The following ZNF616 variants were observed in gnomAD, a reference collection of about 807,000 sequenced individuals.
ZNF616 encodes zinc finger protein 616.
In ZNF616, 5 loss-of-function variants were observed where a neutral mutation model predicts 7.6. The observed-to-expected ratio is 0.66, with a 90% CI of 0.34 to 1.38. The LOEUF is 1.38. ZNF616 is among the 40% of genes most tolerant of loss of function. ZNF616 has a pLI of 0.04. For missense variants in ZNF616, 913 were observed against 948.3 expected, an observed-to-expected ratio of 0.96 and a Z score of 0.49; for synonymous variants, 319 against 317.2, an observed-to-expected ratio of 1.01 and a Z score of -0.06.
chr19:52,123,197 A>T (rs529505789), intron 3 of ZNF616, among the ~76,000 whole-genome samples: 4 of 152,372 alleles, frequency 2.6e-5, no homozygotes, highest in African/African-American at 9.6e-5. Context: ...TTAAATAAAT[A>T]AAAACAAAGT....
intron 1 of ZNF616, among the ~76,000 whole-genome samples, chr19:52,133,890 G>A (rs2088984709): frequency 6.6e-6 from 1 of 152,106 alleles, no homozygotes; most frequent in South Asian, 2.1e-4. Context: ...TCCACCCTGA[G>A]GTAGGCCCCA....
chr19:52,137,276 A>T (rs2089019808), intron 1 of ZNF616, among the ~76,000 whole-genome samples: 1 of 151,610 alleles, frequency 6.6e-6, no homozygotes, highest in Non-Finnish European at 1.5e-5. Flanking sequence ...ACAAAAAATT[A>T]GCCGGGCGTG....
At chr19:52,122,885 C>T (rs536723119) in intron 3 of ZNF616, among the ~76,000 whole-genome samples, 9 of 152,206 alleles carry the variant, frequency 5.9e-5, no homozygotes, top group African/African-American at 9.6e-5. Context: ...CCACCCGCCT[C>T]GGCCTCCCAA....
In ZNF616 at chr19:52,114,895, G is replaced by A. The variant is rs73571270; in HGVS notation, c.2269C>T (p.Arg757Cys). Residue 757 changes from arginine (R) to cysteine (C), a missense_variant, in exon 4 of 4, where the codon CGC becomes TGC. By Grantham distance (180) the Arg-to-Cys change is radical (BLOSUM62 -3). Coordinates refer to ENST00000600228, the MANE Select transcript of ZNF616 (RefSeq NM_178523.5). ...ATTCGATGTTTAGTGAGGCCTGAGC[G>A]ACAAATAAAAGATTTCCCACACTCA... The part of the protein sequence containing the change: ...CNECGKSFIC[R>C]SGLTKHRIRH... 4.6e-3 allele frequency: 7,473 copies of A among 1,613,690 alleles called. 269 individuals carry two copies. The African/African-American group carries it at 0.088, about 19-fold the overall frequency.
intron 1 of ZNF616, among the ~76,000 whole-genome samples, chr19:52,132,395 C>A (rs1364403337): frequency 6.6e-6 from 1 of 152,064 alleles, no homozygotes; most frequent in Non-Finnish European, 1.5e-5. Context: ...GACATGGAGA[C>A]GTGTAGGTGA....
At chr19:52,119,855 T>A (rs774370138) in intron 3 of ZNF616, among the ~76,000 whole-genome samples, 1 of 152,194 alleles carries the variant, frequency 6.6e-6, no homozygotes, top group Non-Finnish European at 1.5e-5. Flanking sequence ...GAATGTCCCA[T>A]GAGTTATATT....
At chr19:52,121,946 A>G (rs906464035) in intron 3 of ZNF616, among the ~76,000 whole-genome samples, 1 of 152,154 alleles carries the variant, frequency 6.6e-6, no homozygotes. Context: ...GGGAAAAAAT[A>G]TATAGGTTTT....
chr19:52,137,074 T>TAC (rs1555785993), intron 1 of ZNF616, among the ~76,000 whole-genome samples: 27 of 142,842 alleles, frequency 1.9e-4, no homozygotes, highest in African/African-American at 7.0e-4. Context: ...TATATATATA[T>TAC]ACAGAGTGTG....
Position 52,114,816 on chromosome 19 carries a change from G to T in ZNF616, c.*2C>A. The stretch of plus-strand genomic sequence containing the variant: ...CGGTGATTCCAGAAACTAGGACAAC[G>T]TCTAAGGCCTTGTCACATTGAGTTT... On this transcript the variant is annotated 3_prime_UTR_variant, in exon 4 of 4. Coordinates refer to ENST00000600228, the MANE Select transcript of ZNF616 (RefSeq NM_178523.5). 6.4e-7 allele frequency: 1 copy of T among 1,564,784 alleles called. No individual in the cohort carries two copies. Among genetic ancestry groups the T allele is most frequent in the Non-Finnish European group, 8.6e-7 (1 of 1,158,576 alleles).
chr19:52,115,046 A>C lies in ZNF616; in HGVS notation c.2118T>G (p.Ser706Arg), dbSNP rs2088805603. The change falls in exon 4 of 4, where the codon AGT becomes AGG. Residue 706 changes from serine (S) to arginine (R), a missense_variant. Physicochemically the swap from Ser to Arg is moderately radical, Grantham distance 110. Transcript: ENST00000600228. ...KVFRHSSHLV[S>R]HQRIHTGEKR... ...TCTCTCCAGTGTGGATTCTCTGGTGACTTACAAGATGTGAACTATGCCTGA... is the reference window on the plus strand; with the variant it reads ...TCTCTCCAGTGTGGATTCTCTGGTGCCTTACAAGATGTGAACTATGCCTGA... 1 of 1,613,772 alleles carries C rather than the reference A, an allele frequency of 6.2e-7. No individual in the cohort carries two copies. Among genetic ancestry groups the C allele is most frequent in the Non-Finnish European group, 8.5e-7 (1 of 1,179,952 alleles).
intron 3 of ZNF616, among the ~76,000 whole-genome samples, chr19:52,120,515 G>A (rs1445077787): frequency 6.6e-6 from 1 of 152,156 alleles, no homozygotes; most frequent in African/African-American, 2.4e-5. Flanking sequence ...TCAGAAGATA[G>A]AGACTGGCTG....
At chr19:52,135,621 C>T (rs778761734) in intron 1 of ZNF616, among the ~76,000 whole-genome samples, 1 of 152,178 alleles carries the variant, frequency 6.6e-6, no homozygotes, top group Admixed American at 6.5e-5. Context: ...GCTGCCCACT[C>T]TCCCCGTGGG....
chr19:52,124,972 G>C (rs2088893478), intron 2 of ZNF616, among the ~76,000 whole-genome samples: 2 of 152,104 alleles, frequency 1.3e-5, no homozygotes, highest in African/African-American at 2.4e-5. Context: ...TCACTGACCA[G>C]AACACCATAT....
intron 2 of ZNF616, among the ~76,000 whole-genome samples, chr19:52,129,961 T>C (rs948332388): frequency 2.6e-5 from 4 of 152,118 alleles, no homozygotes; most frequent in Admixed American, 2.6e-4. Context: ...TTTTGTATTT[T>C]CAGTAAAGAC....
chr19:52,124,177 A>C (rs2088886697), intron 2 of ZNF616, 128 bp from the exon 3 acceptor site: 3 of 1,208,528 alleles, frequency 2.5e-6, no homozygotes, highest in Non-Finnish European at 2.3e-6. Flanking sequence ...TCTGTGAGAA[A>C]GTTATTGGTC....
At chr19:52,126,333 G>C (rs926483349) in intron 2 of ZNF616, among the ~76,000 whole-genome samples, 1 of 152,140 alleles carries the variant, frequency 6.6e-6, no homozygotes, top group African/African-American at 2.4e-5. Context: ...TTCGAGACCA[G>C]CCTGGCCAAC....
intron 2 of ZNF616, among the ~76,000 whole-genome samples, chr19:52,127,639 A>C (rs2088921248): frequency 6.6e-6 from 1 of 152,152 alleles, no homozygotes; most frequent in African/African-American, 2.4e-5. Context: ...TCAGTTATTT[A>C]TTTTTGCTTT....
intron 2 of ZNF616, among the ~76,000 whole-genome samples, chr19:52,129,193 C>T (rs965757102): frequency 1.3e-5 from 2 of 152,056 alleles, no homozygotes; most frequent in Non-Finnish European, 2.9e-5. Flanking sequence ...AAGAGAAAAT[C>T]GGTTGAACCC....
At position 52,116,147 on chromosome 19, in the gene ZNF616, G is replaced by A. The variant is rs773524757; in HGVS notation, c.1017C>T (p.Asn339=). Residue 339 remains asparagine, a synonymous_variant, in exon 4 of 4, where the codon AAC becomes AAT. Transcript: ENST00000600228. Reference sequence around the variant, plus strand: ...CATGGATTACCTGATGTACAGTGAGGTTTGAGCTCCGTTTAAAGGTTTTGC... The same window carrying A: ...CATGGATTACCTGATGTACAGTGAGATTTGAGCTCCGTTTAAAGGTTTTGC... The part of the protein sequence containing the change: ...ECGKTFKRSS[N]LTVHQVIHAG... 40 of 1,613,620 alleles carry A rather than the reference G, an allele frequency of 2.5e-5. No individual in the cohort carries two copies. The highest frequency in any genetic ancestry group is 1.3e-4 in the Admixed American group (8 of 59,952).
Sources: allele counts gnomAD v4.1 joint callset (sites outside exome capture counted in the v4.1 genomes callset), GRCh38; gene constraint gnomAD v4.1.1; transcripts MANE v1.5; gene names NCBI Gene and HGNC (gene_info 2026-07-23, HGNC 2026-07-21).